The following EXOC3 variants were observed in gnomAD, a reference collection of about 807,000 sequenced individuals.
The protein encoded by EXOC3 is exocyst complex component 3.
EXOC3 carries 21 observed loss-of-function variants against 73.7 expected under a neutral mutation model. The observed-to-expected ratio is 0.29, with a 90% CI of 0.20 to 0.41. EXOC3 has a LOEUF of 0.41. EXOC3 is among the 10% of genes least tolerant of loss of function. The probability of loss-of-function intolerance (pLI) is 1.00; values close to 1 mark genes in which losing one functional copy is unlikely to be tolerated. For missense variants in EXOC3, 842 were observed against 985.1 expected (o/e 0.85, Z 1.95); for synonymous variants, 410 against 389.1 (o/e 1.05, Z -0.63).
At chr5:449,316 G>A (rs533795090) in intron 3 of EXOC3, among the ~76,000 whole-genome samples, 7 of 152,126 alleles carry the variant, frequency 4.6e-5, no homozygotes, top group Non-Finnish European at 8.8e-5. Flanking sequence ...ACAGTTTGCC[G>A]TCTTAACCAT....
rs1738073262 is a variant in EXOC3, at chr5:464,335, A to C, written c.1699A>C (p.Asn567His). Residue 567 changes from asparagine to histidine, a missense_variant, in exon 10 of 13, where the codon AAC (asparagine) becomes CAC (histidine). Asn to His is a moderately conservative substitution (Grantham distance 68). Transcript: ENST00000512944. ...GACGAAGAAGTGGCTATTAGGGTCAAACGCTGTAGACATTATCTGTGTCAC... is the reference window on the plus strand; with the variant it reads ...GACGAAGAAGTGGCTATTAGGGTCACACGCTGTAGACATTATCTGTGTCAC... ...LMTKKWLLGS[N>H]AVDIICVTVE... 6.2e-7 allele frequency: 1 copy of C among 1,613,626 alleles called. No individual in the cohort carries two copies.
intron 1 of EXOC3, among the ~76,000 whole-genome samples, chr5:445,542 T>G (rs1044985180): frequency 5.3e-5 from 8 of 152,078 alleles, no homozygotes; most frequent in Non-Finnish European, 1.0e-4. Context: ...TTTTAGTAGA[T>G]ACAGGGTTTC....
rs1334241462 is a variant in EXOC3 at position 455,369 on chromosome 5, C to T, written c.1046+1318C>T. 2.6e-5 allele frequency among the ~76,000 whole-genome samples: 4 copies of T among 152,350 alleles called. No homozygotes were observed. The East Asian group carries it at 7.7e-4, about 29-fold the overall frequency. Reference sequence around the variant, plus strand: ...TGTCCTTGGGGAGTCTCGTGAGTTCCATCACCCCGGCCTTTCTCAGGGGAG... The same window carrying T: ...TGTCCTTGGGGAGTCTCGTGAGTTCTATCACCCCGGCCTTTCTCAGGGGAG... On this transcript the variant is annotated intron_variant, in intron 4 of 12. Transcript: ENST00000512944.
intron 9 of EXOC3, among the ~76,000 whole-genome samples, chr5:463,030 G>A (rs145035098): frequency 0.015 from 2,289 of 152,270 alleles, 37 homozygotes; most frequent in African/African-American, 0.041. Context: ...GCTTGAACCC[G>A]GGAGGTGGAG....
rs1332270728 is a variant in EXOC3 at position 453,495 on chromosome 5, A to G, written c.490A>G (p.Ser164Gly). ...GLMYEQYRMD[S>G]GNTRDMTLIH... ...GATGTACGAGCAGTACCGCATGGAC[A>G]GTGGGAACACGCGTGACATGACCCT... Residue 164 changes from serine to glycine, a missense_variant, in exon 4 of 13, where the codon AGT becomes GGT. Coordinates refer to ENST00000512944, the MANE Select transcript of EXOC3 (RefSeq NM_007277.5). The G allele has an allele frequency of 6.2e-7, 1 of 1,613,996 alleles. No individual in the cohort carries two copies.
intron 4 of EXOC3, among the ~76,000 whole-genome samples, chr5:454,681 A>G (rs747662945): frequency 3.9e-5 from 6 of 152,196 alleles, no homozygotes; most frequent in Non-Finnish European, 7.3e-5. Context: ...AGTAGTGTTG[A>G]AAAATGGTGC....
In EXOC3 at chr5:453,929, T is replaced by G. The variant is rs1295360906; in HGVS notation, c.924T>G (p.Phe308Leu). 6.2e-7 allele frequency: 1 copy of G among 1,613,950 alleles called. No individual in the cohort carries two copies. Among genetic ancestry groups the G allele is most frequent in the Non-Finnish European group, 8.5e-7 (1 of 1,179,878 alleles). The stretch of plus-strand genomic sequence containing the variant: ...GCTTTCCTCCCCACTATGAGATCTT[T>G]AAGAACCTCCTGAACATGTACCACC... ...VQCFPPHYEI[F>L]KNLLNMYHQA... The change falls in exon 4 of 13, where the codon TTT (phenylalanine) becomes TTG (leucine). Residue 308 changes from phenylalanine (F) to leucine (L), a missense_variant. Physicochemically the swap from Phe to Leu is conservative, Grantham distance 22 (BLOSUM62 0). Coordinates refer to ENST00000512944, the MANE Select transcript of EXOC3 (RefSeq NM_007277.5).
At chr5:465,602 G>A in intron 11 of EXOC3, 116 bp from the exon 12 acceptor site, 1 of 1,319,586 alleles carries the variant, frequency 7.6e-7, no homozygotes, top group East Asian at 2.4e-5. Context: ...AGTAGATCCT[G>A]AGGAGTCAGG....
intron 12 of EXOC3, chr5:466,384 C>T: frequency 7.0e-6 from 2 of 287,278 alleles, no homozygotes; most frequent in Non-Finnish European, 6.5e-6. Flanking sequence ...CCCCAAGGGG[C>T]CACCTCCATG....
chr5:466,822 A>G lies in EXOC3; in HGVS notation c.2162A>G (p.Gln721Arg). 6.2e-7 allele frequency: 1 copy of G among 1,613,482 alleles called. No homozygotes were observed. Among genetic ancestry groups the G allele is most frequent in the Non-Finnish European group, 8.5e-7 (1 of 1,179,788 alleles). The part of the protein sequence containing the change: ...IMETLEQGPA[Q>R]ASPSYVPLFK... ...GAGACCCTGGAGCAGGGCCCAGCACAGGCCAGCCCCAGCTACGTGCCCCTC... is the reference window on the plus strand; with the variant it reads ...GAGACCCTGGAGCAGGGCCCAGCACGGGCCAGCCCCAGCTACGTGCCCCTC... Residue 721 changes from glutamine to arginine, a missense_variant, in exon 13 of 13, where the codon CAG (glutamine) becomes CGG (arginine). Transcript: ENST00000512944.
At chr5:443,701 T>A (rs1579728954) in intron 1 of EXOC3, among the ~76,000 whole-genome samples, 1 of 144,834 alleles carries the variant, frequency 6.9e-6, no homozygotes, top group Admixed American at 6.8e-5. Context: ...CTGGCGCAGG[T>A]GTCCCCTCGG....
rs1229020433 is a variant in EXOC3, at chr5:467,069, CGTGCGGAGGCCCCTCACT to C, written c.*176_*193del. On this transcript the variant is annotated 3_prime_UTR_variant, in exon 13 of 13. Coordinates refer to ENST00000512944, the MANE Select transcript of EXOC3 (RefSeq NM_007277.5). ...GCGTCGAGTGAGCGTCCCGAGGCCA[CGTGCGGAGGCCCCTCACT>C]GTGCTGTCAAAGGCCTGTGGGTGCA... is the stretch of plus-strand genomic sequence containing the variant. 1.5e-6 allele frequency: 1 copy of C among 652,810 alleles called. No homozygotes were observed. Among genetic ancestry groups the C allele is most frequent in the Non-Finnish European group, 2.6e-6 (1 of 384,686 alleles). The allele number at this position is 652,810 out of a possible 1,614,324, so 40.4% of individuals were successfully genotyped here. A position where few individuals can be genotyped will look rare whatever the true frequency, so the allele number is the denominator to read the frequency against.
chr5:452,512 A>G (rs953206465), intron 3 of EXOC3, among the ~76,000 whole-genome samples: 8 of 152,234 alleles, frequency 5.3e-5, no homozygotes, highest in Non-Finnish European at 8.8e-5. Flanking sequence ...CTGCCATCAG[A>G]TCTTTTACAG....
chr5:462,426 T>C (rs1312344789), intron 9 of EXOC3, 119 bp downstream of exon 9: 1 of 1,144,782 alleles, frequency 8.7e-7, no homozygotes, highest in East Asian at 2.4e-5. Context: ...AGCCGGGCTG[T>C]GCACTTGCAT....
intron 3 of EXOC3, among the ~76,000 whole-genome samples, chr5:449,444 C>T (rs576025102): frequency 1.3e-5 from 2 of 152,330 alleles, no homozygotes; most frequent in African/African-American, 4.8e-5. Flanking sequence ...CCATTAAACA[C>T]TGACTTCGCA....
At chr5:461,301 A>G (rs1419368634) in intron 7 of EXOC3, among the ~76,000 whole-genome samples, 1 of 152,102 alleles carries the variant, frequency 6.6e-6, no homozygotes, top group East Asian at 1.9e-4. Context: ...CAAAATTTTT[A>G]TATTTTTTAA....
chr5:448,029 G>A (rs779620930), intron 3 of EXOC3, among the ~76,000 whole-genome samples: 35 of 152,166 alleles, frequency 2.3e-4, no homozygotes, highest in Non-Finnish European at 4.3e-4. Context: ...GCTGAGTGTC[G>A]TTCCCTTGCT....
chr5:445,652 C>T (rs1454870086), intron 1 of EXOC3, among the ~76,000 whole-genome samples: 1 of 152,238 alleles, frequency 6.6e-6, no homozygotes, highest in Non-Finnish European at 1.5e-5. Flanking sequence ...CCGGGCCTGG[C>T]TGACTATTGT....
intron 5 of EXOC3, chr5:457,489 C>A: frequency 4.4e-6 from 1 of 228,062 alleles, no homozygotes; most frequent in Non-Finnish European, 8.8e-6. Context: ...GAGGTGTCCT[C>A]AGGAGCTGGG....
Sources: allele counts gnomAD v4.1 joint callset (sites outside exome capture counted in the v4.1 genomes callset), GRCh38; gene constraint gnomAD v4.1.1; transcripts MANE v1.5; gene names NCBI Gene and HGNC (gene_info 2026-07-23, HGNC 2026-07-21).